The following ATP2B2 variants were observed in gnomAD, a reference collection of about 807,000 sequenced individuals.
ATP2B2 encodes ATPase plasma membrane Ca2+ transporting 2.
In ATP2B2, 15 loss-of-function variants were observed where a neutral mutation model predicts 120.0. The ratio of observed to expected loss-of-function variants is 0.12; its 90% CI spans 0.08 to 0.19. The LOEUF (loss-of-function observed/expected upper bound fraction) is 0.19, where lower values mean the gene tolerates loss of function less well. Ranked by LOEUF, ATP2B2 falls within the 10% of genes least tolerant of loss-of-function variation. The pLI is 1.00. For missense variants in ATP2B2, 1,045 were observed against 1,719.8 expected (o/e 0.61, Z 6.94); for synonymous variants, 694 against 700.3 (o/e 0.99, Z 0.14).
At chr3:10,695,145 G>T (rs2071722706) in intron 1 of ATP2B2, among the ~76,000 whole-genome samples, 1 of 151,198 alleles carries the variant, frequency 6.6e-6, no homozygotes, top group Non-Finnish European at 1.5e-5. Flanking sequence ...GTGGTTTAAT[G>T]GACTTACAGT....
intron 2 of ATP2B2, among the ~76,000 whole-genome samples, chr3:10,574,813 A>T (rs2068206711): frequency 6.6e-6 from 1 of 152,112 alleles, no homozygotes; most frequent in African/African-American, 2.4e-5. Context: ...GGAGTGGACT[A>T]CTTCGGGGTG....
At chr3:10,359,724 G>A (rs1232722409) in intron 13 of ATP2B2, among the ~76,000 whole-genome samples, 158 bp downstream of exon 13, 7 of 152,128 alleles carry the variant, frequency 4.6e-5, no homozygotes, top group Admixed American at 4.6e-4. Context: ...GGTGACCTTG[G>A]GCAGGGCCCT....
rs528163363 is a variant in ATP2B2 at position 10,581,407 on chromosome 3, C to A, written c.-415+38510G>T. 1.7e-4 allele frequency among the ~76,000 whole-genome samples: 26 copies of A among 152,262 alleles called. No individual in the cohort carries two copies. In the South Asian group the frequency reaches 5.4e-3, roughly 32 times the overall value. ...AAGATGAGAGATCTGGAAGAGCCCA[C>A]AAAGGAAATCCAGAAGGGTTGGCCA... On this transcript the variant is annotated intron_variant, in intron 2 of 21. Coordinates refer to the ATP2B2 transcript ENST00000646379.
At chr3:10,398,694 TC>T (rs571180838) in intron 5 of ATP2B2, among the ~76,000 whole-genome samples, 105 of 152,296 alleles carry the variant, frequency 6.9e-4, no homozygotes, top group Non-Finnish European at 1.3e-3. Flanking sequence ...ACTTCTGGCC[TC>T]CCTGGAGACA....
At position 10,669,040 on chromosome 3, in the gene ATP2B2, G is replaced by A. The variant is rs376055265; in HGVS notation, c.-460+38875C>T. On this transcript the variant is annotated intron_variant, in intron 1 of 21. Coordinates refer to the ATP2B2 transcript ENST00000646379. Reference sequence around the variant, plus strand: ...ACTGCTCTACATTCAGCCTCAGGAAGCAAACATCCAACAACAAAATGCTCA... The same window carrying A: ...ACTGCTCTACATTCAGCCTCAGGAAACAAACATCCAACAACAAAATGCTCA... 2.3e-4 allele frequency among the ~76,000 whole-genome samples: 35 copies of A among 152,352 alleles called. No individual in the cohort carries two copies. The East Asian group carries it at 5.6e-3, about 24-fold the overall frequency.
intron 1 of ATP2B2, among the ~76,000 whole-genome samples, chr3:10,473,399 AGGCAG>A (rs750115527): frequency 1.7e-3 from 265 of 152,198 alleles, no homozygotes; most frequent in Non-Finnish European, 3.2e-3. Flanking sequence ...TGGGAGGCGG[AGGCAG>A]GTGGATCACT....
chr3:10,527,650 C>T (rs2067124735), intron 3 of ATP2B2, among the ~76,000 whole-genome samples: 1 of 152,238 alleles, frequency 6.6e-6, no homozygotes, highest in Non-Finnish European at 1.5e-5. Context: ...CCTACCTCCC[C>T]ACCACTGCCC....
chr3:10,596,597 G>A (rs2068769518), intron 2 of ATP2B2, among the ~76,000 whole-genome samples: 1 of 152,222 alleles, frequency 6.6e-6, no homozygotes, highest in Admixed American at 6.5e-5. Context: ...CATCACTTTA[G>A]TAGCAATCAA....
chr3:10,384,999 G>A (rs974853036), intron 8 of ATP2B2, among the ~76,000 whole-genome samples: 8 of 152,184 alleles, frequency 5.3e-5, no homozygotes, highest in African/African-American at 1.2e-4. Flanking sequence ...CCAAAGTCTC[G>A]TCTCTTATCT....
intron 1 of ATP2B2, among the ~76,000 whole-genome samples, chr3:10,486,246 T>C (rs895202709): frequency 3.3e-5 from 5 of 152,142 alleles, no homozygotes; most frequent in Admixed American, 3.3e-4. Context: ...GATTTCACCA[T>C]CAAGTGCCTA....
intron 1 of ATP2B2, among the ~76,000 whole-genome samples, chr3:10,494,379 C>T (rs1015791511): frequency 7.2e-5 from 11 of 152,086 alleles, no homozygotes; most frequent in South Asian, 2.1e-4. Context: ...ATTTTACAGA[C>T]GAGGAGACTG....
intron 1 of ATP2B2, among the ~76,000 whole-genome samples, chr3:10,453,444 G>T (rs372822795): frequency 9.3e-4 from 142 of 152,276 alleles, no homozygotes; most frequent in Middle Eastern, 3.4e-3. Flanking sequence ...GAAGTAAATT[G>T]CTCAAGATCA....
At chr3:10,561,322 G>A (rs1049577018) in intron 2 of ATP2B2, among the ~76,000 whole-genome samples, 2 of 152,194 alleles carry the variant, frequency 1.3e-5, no homozygotes, top group Non-Finnish European at 2.9e-5. Flanking sequence ...AGAGTGGGAC[G>A]AGGTGGGGCA....
At chr3:10,614,792 G>A (rs543762493) in intron 2 of ATP2B2, among the ~76,000 whole-genome samples, 7 of 152,218 alleles carry the variant, frequency 4.6e-5, no homozygotes, top group East Asian at 1.9e-4. Context: ...ACCACAGCAC[G>A]GAGTCCCAAG....
At chr3:10,344,715 A>C (rs1307073079) in intron 18 of ATP2B2, among the ~76,000 whole-genome samples, 2 of 152,166 alleles carry the variant, frequency 1.3e-5, no homozygotes, top group Non-Finnish European at 2.9e-5. Context: ...TCTGAGCCTC[A>C]GTTTCTGCCT....
chr3:10,403,411 G>C (rs2062296681), intron 3 of ATP2B2, among the ~76,000 whole-genome samples: 1 of 152,218 alleles, frequency 6.6e-6, no homozygotes, highest in Non-Finnish European at 1.5e-5. Context: ...GGGGTGAACA[G>C]AAAAGGAAGA....
intron 12 of ATP2B2, among the ~76,000 whole-genome samples, chr3:10,365,793 GTATA>G: frequency 0.048 from 3 of 62 alleles, no homozygotes; most frequent in Non-Finnish European, 0.1. Context: ...TACGTACTGT[GTATA>G]GTGTATGTGT....
intron 1 of ATP2B2, among the ~76,000 whole-genome samples, chr3:10,684,403 G>C (rs2125706690): frequency 6.6e-6 from 1 of 152,328 alleles, no homozygotes; most frequent in Middle Eastern, 3.4e-3. Context: ...AGCTGTGCCT[G>C]ACACCCTCAT....
At chr3:10,689,851 C>T (rs537730904) in intron 1 of ATP2B2, among the ~76,000 whole-genome samples, 73 of 152,308 alleles carry the variant, frequency 4.8e-4, no homozygotes, top group African/African-American at 1.6e-3. Flanking sequence ...CCCTCCACCC[C>T]GAGGTGGGCT....
Sources: allele counts gnomAD v4.1 joint callset (sites outside exome capture counted in the v4.1 genomes callset), GRCh38; gene constraint gnomAD v4.1.1; transcripts MANE v1.5; gene names NCBI Gene and HGNC (gene_info 2026-07-23, HGNC 2026-07-21).